CSMD1: variants seen among roughly 807,000 people sequenced by gnomAD.
The protein encoded by CSMD1 is CUB and sushi domain-containing protein 1.
In CSMD1, 213 loss-of-function variants were observed where a neutral mutation model predicts 417.5. The ratio of observed to expected loss-of-function variants is 0.51; its 90% CI spans 0.46 to 0.57. The LOEUF (loss-of-function observed/expected upper bound fraction) is 0.57. CSMD1 is among the 20% of genes least tolerant of loss of function. The pLI is 0.00. For synonymous variants in CSMD1, 2,862 were observed against 1,736.8 expected (o/e 1.65, Z -16.11); for missense variants, 6,923 against 4,529.7 (o/e 1.53, Z -15.17).
Position 3,839,963 on chromosome 8 carries a change from G to A in CSMD1, c.819-85921C>T, listed in dbSNP as rs370752126. ...CTGCTCTGGATATTTGGAGACTGAAGCATTGGGTGAGATGTTGAAGGATGC... is the reference window on the plus strand; with the variant it reads ...CTGCTCTGGATATTTGGAGACTGAAACATTGGGTGAGATGTTGAAGGATGC... On this transcript the variant is annotated intron_variant, in intron 5 of 69. Transcript: ENST00000635120. Among the ~76,000 whole-genome samples, 253 of 152,186 alleles carry A rather than the reference G, an allele frequency of 1.7e-3. 1 individual carries two copies. The highest frequency in any genetic ancestry group is 5.7e-3 in the African/African-American group (238 of 41,536).
rs551979265 is a variant in CSMD1, at chr8:4,251,091, C to T, written c.415+168862G>A. On this transcript the variant is annotated intron_variant, in intron 3 of 69. Coordinates refer to ENST00000635120, the MANE Select transcript of CSMD1 (RefSeq NM_033225.6). ...TTGTGAAATGTTGTAGTCACATTTT[C>T]CCTGCCAAATTTCTGAAGGCTACCT... Among the ~76,000 whole-genome samples the T allele has an allele frequency of 8.5e-5, 13 of 152,172 alleles. No individual in the cohort carries two copies. The South Asian group carries it at 1.2e-3, about 15-fold the overall frequency.
intron 5 of CSMD1, among the ~76,000 whole-genome samples, chr8:3,849,672 A>G (rs1308787511): frequency 1.3e-5 from 2 of 152,176 alleles, no homozygotes; most frequent in South Asian, 2.1e-4. Flanking sequence ...GGTCGATTTT[A>G]GTGATGTTGT....
chr8:3,952,798 G>C (rs1039016567), intron 5 of CSMD1, among the ~76,000 whole-genome samples: 3 of 152,096 alleles, frequency 2.0e-5, no homozygotes, highest in East Asian at 1.9e-4. Flanking sequence ...TGATTATTAA[G>C]CAATACTCTC....
chr8:4,980,589 G>A (rs1810834582), intron 1 of CSMD1, among the ~76,000 whole-genome samples: 1 of 152,194 alleles, frequency 6.6e-6, no homozygotes, highest in Admixed American at 6.5e-5. Context: ...TTTGTGAACT[G>A]GAAGGTCACT....
intron 54 of CSMD1, among the ~76,000 whole-genome samples, chr8:2,979,528 A>AC (rs146102424): frequency 2.4e-4 from 37 of 152,238 alleles, no homozygotes; most frequent in African/African-American, 7.0e-4. Context: ...GCTTTGACCC[A>AC]CCCCACCAGT....
In CSMD1 at chr8:4,583,442, A is replaced by C. The variant is rs188667726; in HGVS notation, c.302+53900T>G. On this transcript the variant is annotated intron_variant, in intron 2 of 69. Transcript: ENST00000635120. ...AGGGTTTGTGAGTGCACCAATCGAC[A>C]CTCTGTATCTAGCTGCTCTGATGGG... Among the ~76,000 whole-genome samples, 1,345 of 151,956 alleles carry C rather than the reference A, an allele frequency of 8.9e-3. 13 individuals are homozygous for C. The highest frequency in any genetic ancestry group is 0.02 in the Middle Eastern group (6 of 294).
intron 26 of CSMD1, among the ~76,000 whole-genome samples, chr8:3,242,521 G>C (rs1462166322): frequency 6.6e-6 from 1 of 152,058 alleles, no homozygotes; most frequent in Non-Finnish European, 1.5e-5. Context: ...TTGCAGGGTG[G>C]AAAAATTGAA....
chr8:4,707,316 T>A (rs1808005170), intron 1 of CSMD1, among the ~76,000 whole-genome samples: 1 of 152,152 alleles, frequency 6.6e-6, no homozygotes, highest in South Asian at 2.1e-4. Context: ...GAAGTTAAAT[T>A]AATTTCTTCA....
chr8:3,830,649 T>C (rs1048221359), intron 5 of CSMD1, among the ~76,000 whole-genome samples: 6 of 152,176 alleles, frequency 3.9e-5, no homozygotes, highest in Non-Finnish European at 5.9e-5. Context: ...CCAATATCAA[T>C]GTGCCTAGGA....
chr8:4,179,625 A>G (rs567558817), intron 3 of CSMD1, among the ~76,000 whole-genome samples: 3 of 152,220 alleles, frequency 2.0e-5, no homozygotes, highest in African/African-American at 7.2e-5. Context: ...ACAAACTACC[A>G]TCAGAGTGAA....
At chr8:3,562,379 C>A (rs1169545799) in intron 10 of CSMD1, among the ~76,000 whole-genome samples, 2 of 152,030 alleles carry the variant, frequency 1.3e-5, no homozygotes, top group African/African-American at 4.8e-5. Context: ...CACATGCACA[C>A]ACACACACGT....
chr8:4,150,510 C>T (rs968861049), intron 3 of CSMD1, among the ~76,000 whole-genome samples: 5 of 152,174 alleles, frequency 3.3e-5, no homozygotes, highest in Non-Finnish European at 2.9e-5. Flanking sequence ...TTCTAGAAGG[C>T]AGAATTTCTC....
intron 2 of CSMD1, among the ~76,000 whole-genome samples, chr8:4,552,992 G>T (rs7357469): frequency 0.17 from 25,732 of 152,172 alleles, 2,558 homozygotes; most frequent in Admixed American, 0.28. Context: ...TATGCTGGCT[G>T]CTTGGTGACA....
At chr8:4,181,119 C>G (rs952281322) in intron 3 of CSMD1, among the ~76,000 whole-genome samples, 1 of 152,088 alleles carries the variant, frequency 6.6e-6, no homozygotes, top group African/African-American at 2.4e-5. Flanking sequence ...CCAGCCAATT[C>G]CAAGTGCTGC....
intron 1 of CSMD1, among the ~76,000 whole-genome samples, chr8:4,754,708 G>C (rs1044039941): frequency 3.3e-5 from 5 of 152,052 alleles, no homozygotes; most frequent in African/African-American, 1.2e-4. Context: ...ATTTAGCCAA[G>C]CATGGTGGTG....
At chr8:4,867,573 A>C (rs1359047582) in intron 1 of CSMD1, among the ~76,000 whole-genome samples, 1 of 152,000 alleles carries the variant, frequency 6.6e-6, no homozygotes, top group Admixed American at 6.6e-5. Context: ...AGCAGCCATA[A>C]TTTCGCTTTT....
chr8:3,036,889 G>A (rs1009644249), intron 50 of CSMD1, among the ~76,000 whole-genome samples: 5 of 152,230 alleles, frequency 3.3e-5, no homozygotes, highest in African/African-American at 1.2e-4. Context: ...TTATCTAGGG[G>A]TGATTTCTGG....
At chr8:3,411,573 T>C (rs1408960492) in intron 12 of CSMD1, among the ~76,000 whole-genome samples, 2 of 151,450 alleles carry the variant, frequency 1.3e-5, no homozygotes, top group South Asian at 2.1e-4. Flanking sequence ...GTTACTTCAC[T>C]TAGAATAATA....
intron 26 of CSMD1, among the ~76,000 whole-genome samples, chr8:3,250,663 A>T (rs1021668902): frequency 2.0e-5 from 3 of 152,170 alleles, no homozygotes; most frequent in Admixed American, 2.0e-4. Flanking sequence ...GAACTAGTTT[A>T]TGGTCCCACC....
Sources: allele counts gnomAD v4.1 joint callset (sites outside exome capture counted in the v4.1 genomes callset), GRCh38; gene constraint gnomAD v4.1.1; transcripts MANE v1.5; gene names NCBI Gene and HGNC (gene_info 2026-07-23, HGNC 2026-07-21).